RANBP10: variants seen among roughly 807,000 people sequenced by gnomAD.
RANBP10 encodes RAN binding protein 10, also known as ran-binding protein 10.
In RANBP10, 24 loss-of-function variants were observed where a neutral mutation model predicts 72.8. The ratio of observed to expected loss-of-function variants is 0.33; its 90% confidence interval spans 0.24 to 0.46. The LOEUF (loss-of-function observed/expected upper bound fraction) is 0.46. RANBP10 is among the 20% of genes least tolerant of loss of function. RANBP10 has a pLI of 1.00. For missense variants in RANBP10, 679 were observed against 817.5 expected (o/e 0.83, Z 2.07); for synonymous variants, 310 against 322.3 (o/e 0.96, Z 0.41).
intron 3 of RANBP10, among the ~76,000 whole-genome samples, chr16:67,764,537 T>C (rs948927223): frequency 2.0e-5 from 3 of 152,144 alleles, no homozygotes; most frequent in African/African-American, 7.2e-5. Flanking sequence ...AGGAACACTC[T>C]AGAGGCACAC....
intron 3 of RANBP10, among the ~76,000 whole-genome samples, chr16:67,748,781 A>G (rs1597854753): frequency 6.6e-6 from 1 of 151,968 alleles, no homozygotes; most frequent in Admixed American, 6.6e-5. Flanking sequence ...CTGGCTAAGG[A>G]GTAGAAATGG....
chr16:67,796,158 C>T (rs991576223), intron 2 of RANBP10, among the ~76,000 whole-genome samples: 14 of 152,024 alleles, frequency 9.2e-5, no homozygotes, highest in Non-Finnish European at 1.9e-4. Context: ...CCTTGTGATC[C>T]GCCTGCCTCG....
intron 3 of RANBP10, among the ~76,000 whole-genome samples, chr16:67,761,860 C>A (rs767945917): frequency 6.6e-6 from 1 of 152,106 alleles, no homozygotes; most frequent in African/African-American, 2.4e-5. Flanking sequence ...CGTAAGCCAC[C>A]GTGCCCGGAC....
intron 2 of RANBP10, among the ~76,000 whole-genome samples, chr16:67,794,938 AAAAAAAAC>A (rs2055100162): frequency 1.3e-5 from 2 of 149,018 alleles, no homozygotes; most frequent in Admixed American, 6.7e-5. Context: ...ATTAAAAAAA[AAAAAAAAC>A]AAAAAAAAAA....
At position 67,734,952 on chromosome 16, in the gene RANBP10, C is replaced by A. The variant is rs781615503; in HGVS notation, c.682G>T (p.Asp228Tyr). 1 of 1,614,016 alleles carries A rather than the reference C, an allele frequency of 6.2e-7. No individual in the cohort carries two copies. Among genetic ancestry groups the A allele is most frequent in the Non-Finnish European group, 8.5e-7 (1 of 1,180,016 alleles). ...TTGGCACGCCACTCCCGCATGTAGT[C>A]CTCAATGTCAAACAGGAAGGGCTGC... The part of the protein sequence containing the change: ...GQQPFLFDIE[D>Y]YMREWRAKVQ... The change falls in exon 6 of 14, where the codon GAC becomes TAC. Residue 228 changes from aspartate to tyrosine, a missense_variant. Transcript: ENST00000317506.
chr16:67,774,198 G>A (rs1411385176), intron 2 of RANBP10, among the ~76,000 whole-genome samples: 1 of 152,204 alleles, frequency 6.6e-6, no homozygotes, highest in Non-Finnish European at 1.5e-5. Context: ...CACTCACCAT[G>A]CCCTGTTCAG....
Position 67,725,188 on chromosome 16 carries a change from G to A in RANBP10, c.*1240C>T, listed in dbSNP as rs2053577588. The A allele has an allele frequency of 6.6e-6, 1 of 152,636 alleles. No individual in the cohort carries two copies. The highest frequency in any genetic ancestry group is 1.5e-5 in the Non-Finnish European group (1 of 68,108). 9.5% of individuals were successfully genotyped at this position (152,636 alleles called of 1,614,324 possible). On this transcript the variant is annotated 3_prime_UTR_variant, in exon 14 of 14. Coordinates refer to ENST00000317506, the MANE Select transcript of RANBP10 (RefSeq NM_020850.3). ...ATAGTCTTTCCTAAGAGTGGCTAGG[G>A]CCCAGCTGCAGGGAGCTGTCTGGCA...
At position 67,729,032 on chromosome 16, in the gene RANBP10, AC is replaced by A. The variant is rs2053667591; in HGVS notation, c.1352+247del. 6.6e-6 allele frequency among the ~76,000 whole-genome samples: 1 copy of A among 152,190 alleles called. No individual in the cohort carries two copies. The highest frequency in any genetic ancestry group is 1.5e-5 in the Non-Finnish European group (1 of 68,044). On this transcript the variant is annotated intron_variant, in intron 10 of 13. Transcript: ENST00000317506. This position sits in a 1 kb window ranked among gnomAD's most constrained non-coding sequence, Gnocchi z 7.1. ...CACAGGCCCGGCCTCTTTGGAGGAG[AC>A]CACATCCTCAGCCTGGCATCATTGG... is the stretch of plus-strand genomic sequence containing the variant.
At chr16:67,777,982 C>T (rs190817956) in intron 2 of RANBP10, among the ~76,000 whole-genome samples, 2 of 152,274 alleles carry the variant, frequency 1.3e-5, no homozygotes, top group East Asian at 1.9e-4. Flanking sequence ...AACAAGGATG[C>T]TAAGACCATT....
At chr16:67,789,964 G>T (rs539604159) in intron 2 of RANBP10, among the ~76,000 whole-genome samples, 1 of 151,564 alleles carries the variant, frequency 6.6e-6, no homozygotes, top group Non-Finnish European at 1.5e-5. Context: ...GGGCGTGGTG[G>T]TGCACACCTG....
chr16:67,734,631 G>C (rs2053802864), intron 6 of RANBP10, among the ~76,000 whole-genome samples: 1 of 152,188 alleles, frequency 6.6e-6, no homozygotes, highest in Admixed American at 6.5e-5. Flanking sequence ...CTCCAATATG[G>C]CTGAGAGGCA....
intron 3 of RANBP10, among the ~76,000 whole-genome samples, chr16:67,757,365 GC>G (rs2054304801): frequency 6.6e-6 from 1 of 152,142 alleles, no homozygotes; most frequent in Admixed American, 6.5e-5. Flanking sequence ...CTTGTTTCTG[GC>G]CTCCTGGGGA....
chr16:67,771,977 C>G (rs1245599733), intron 3 of RANBP10, 57 bp downstream of exon 3: 1 of 1,577,672 alleles, frequency 6.3e-7, no homozygotes, highest in Admixed American at 1.9e-5. Flanking sequence ...CACCATGACT[C>G]TCAACCCCAA....
chr16:67,758,146 G>A lies in RANBP10; in HGVS notation c.401-13691C>T, dbSNP rs146972768. ...AAGTAGATTCCTGATGGCCAGGAAC[G>A]GCCCAGGGGGGCCAGGCTGGGTCTA... is the stretch of plus-strand genomic sequence containing the variant. On this transcript the variant is annotated intron_variant, in intron 3 of 13. Transcript: ENST00000317506. Among the ~76,000 whole-genome samples, 1,139 of 152,326 alleles carry A rather than the reference G, an allele frequency of 7.5e-3. 13 individuals are homozygous for A. Among genetic ancestry groups the A allele is most frequent in the African/African-American group, 0.025 (1,037 of 41,562 alleles).
rs542552743 is a variant in RANBP10 at position 67,727,200 on chromosome 16, C to T, written c.1732+127G>A. 1.7e-5 allele frequency: 15 copies of T among 886,850 alleles called. No homozygotes were observed. The Admixed American group carries it at 2.4e-4, about 14-fold the overall frequency. 54.9% of individuals were successfully genotyped at this position (886,850 alleles called of 1,614,324 possible). ...CCCAGCTACTCAGGAGGCTGAGGCACGAAAATTGCTTAAACCCAGGAGGCA... is the reference window on the plus strand; with the variant it reads ...CCCAGCTACTCAGGAGGCTGAGGCATGAAAATTGCTTAAACCCAGGAGGCA... On this transcript the variant is annotated intron_variant, in intron 13 of 13. Transcript: ENST00000317506.
chr16:67,761,365 T>G (rs773366857), intron 3 of RANBP10, among the ~76,000 whole-genome samples: 53 of 152,154 alleles, frequency 3.5e-4, no homozygotes, highest in Admixed American at 5.9e-4. Flanking sequence ...GGCAAAGATG[T>G]CCTTGCTGAG....
chr16:67,772,320 CTA>C (rs766258080), intron 2 of RANBP10, among the ~76,000 whole-genome samples: 15 of 152,268 alleles, frequency 9.9e-5, no homozygotes, highest in Non-Finnish European at 1.8e-4. Flanking sequence ...TGTTGTGTCA[CTA>C]TGAACCACCG....
At position 67,806,501 on chromosome 16, in the gene RANBP10, G is replaced by A; in HGVS notation, c.36C>T (p.Asn12=). 1 of 1,530,946 alleles carries A rather than the reference G, an allele frequency of 6.5e-7. No homozygotes were observed. The highest frequency in any genetic ancestry group is 8.7e-7 in the Non-Finnish European group (1 of 1,145,596). 94.8% of individuals were successfully genotyped at this position (1,530,946 alleles called of 1,614,324 possible). A position where few individuals can be genotyped will look rare whatever the true frequency, so the allele number is the denominator to read the frequency against. Residue 12 remains asparagine (N), a synonymous_variant, in exon 1 of 14, where the codon AAC becomes AAT. Transcript: ENST00000317506. ...AAATADPGAG[N]PQPGDSSGGG... is the part of the protein sequence containing the mutation. The stretch of plus-strand genomic sequence containing the variant: ...CGCCGGAGGAGTCCCCAGGCTGCGG[G>A]TTCCCAGCTCCCGGGTCTGCCGTCG...
In RANBP10 at chr16:67,802,483, C is replaced by T. The variant is rs144612353; in HGVS notation, c.347+2945G>A. 5.8e-4 allele frequency among the ~76,000 whole-genome samples: 88 copies of T among 152,204 alleles called. No individual in the cohort carries two copies. In the East Asian group the frequency reaches 0.016, roughly 27 times the overall value. ...CGAAACCCCATCTCTACTAAAAATA[C>T]AAAAATTAGCCAGGCGTGGTGGCGT... On this transcript the variant is annotated intron_variant, in intron 2 of 13. Coordinates refer to ENST00000317506, the MANE Select transcript of RANBP10 (RefSeq NM_020850.3).
Sources: gnomAD v4.1 joint callset for allele counts (sites outside exome capture counted in the v4.1 genomes callset) on GRCh38, gnomAD v4.1.1 for gene constraint, Gnocchi (gnomAD v3.1) non-coding constraint, MANE v1.5 for transcripts, NCBI Gene and HGNC (gene_info 2026-07-23, HGNC 2026-07-21) for gene names.